Variants in SOX6 observed in about 807,000 individuals in gnomAD.
The protein encoded by SOX6 is transcription factor SOX-6.
SOX6 carries 11 observed loss-of-function variants against 97.8 expected under a neutral mutation model. The observed-to-expected ratio is 0.11, with a 90% CI of 0.07 to 0.19. SOX6 has a LOEUF of 0.19. Among genes scored for constraint, SOX6 ranks in the 10% least tolerant of loss-of-function variants. The pLI, the probability that SOX6 is intolerant of heterozygous loss-of-function variation, is 1.00. For synonymous variants in SOX6, 360 were observed against 371.4 expected, an observed-to-expected ratio of 0.97 and a Z score of 0.35; for missense variants, 810 against 1,039.5, an observed-to-expected ratio of 0.78 and a Z score of 3.04.
At chr11:15,976,718 T>C (rs1218674822) in intron 15 of SOX6, among the ~76,000 whole-genome samples, 1 of 152,168 alleles carries the variant, frequency 6.6e-6, no homozygotes, top group Non-Finnish European at 1.5e-5. Flanking sequence ...TGTTGACATC[T>C]TCTAAGAAAT....
chr11:16,349,010 A>C (rs926781770), intron 1 of SOX6, among the ~76,000 whole-genome samples: 1 of 152,142 alleles, frequency 6.6e-6, no homozygotes. Flanking sequence ...ATATTGGCTC[A>C]CTACCAAAGT....
intron 3 of SOX6, among the ~76,000 whole-genome samples, chr11:16,295,806 TAGTGTGTCAGCATTTCCTACTCACTA>T (rs901825307): frequency 1.3e-5 from 2 of 152,132 alleles, no homozygotes; most frequent in Non-Finnish European, 2.9e-5. Context: ...GTTGCATTTC[TAGTGTGTCAGCATTTCCTACTCACTA>T]AGAGTAAATT....
intron 3 of SOX6, among the ~76,000 whole-genome samples, chr11:16,287,319 C>CAT (rs1854784001): frequency 6.6e-6 from 1 of 151,164 alleles, no homozygotes; most frequent in Non-Finnish European, 1.5e-5. Context: ...CACACACACA[C>CAT]ACACACACAC....
intron 13 of SOX6, among the ~76,000 whole-genome samples, chr11:15,994,236 A>T (rs1332270592): frequency 6.6e-6 from 1 of 152,134 alleles, no homozygotes; most frequent in Non-Finnish European, 1.5e-5. Context: ...GTGGACAGAG[A>T]TGAATATTAG....
intron 9 of SOX6, among the ~76,000 whole-genome samples, chr11:16,066,977 T>C (rs772087912): frequency 6.6e-6 from 1 of 152,186 alleles, no homozygotes; most frequent in Admixed American, 6.5e-5. Flanking sequence ...CAGACTTGCA[T>C]AGGGCCTGTA....
At chr11:16,504,820 T>C (rs917748700) in intron 4 of SOX6, among the ~76,000 whole-genome samples, 5 of 152,120 alleles carry the variant, frequency 3.3e-5, no homozygotes. Flanking sequence ...TAAAAGTGTG[T>C]AGCACCTCCA....
At chr11:16,058,754 C>T (rs1217170865) in intron 9 of SOX6, among the ~76,000 whole-genome samples, 1 of 152,044 alleles carries the variant, frequency 6.6e-6, no homozygotes, top group East Asian at 1.9e-4. Flanking sequence ...CATGGCACAT[C>T]ACTCATTCTC....
chr11:16,095,276 A>C (rs912761801), intron 9 of SOX6, among the ~76,000 whole-genome samples: 3 of 151,878 alleles, frequency 2.0e-5, no homozygotes, highest in Non-Finnish European at 4.4e-5. Flanking sequence ...GGAATTAAGC[A>C]TGAAATTGGA....
intron 1 of SOX6, among the ~76,000 whole-genome samples, chr11:16,349,707 AGGAAGGAAGAAG>A (rs1292774101): frequency 0.02 from 720 of 36,398 alleles, 11 homozygotes; most frequent in African/African-American, 0.046. Context: ...GAAGGAAGGA[AGGAAGGAAGAAG>A]GAAGGAAGGA....
At chr11:16,684,654 A>C (rs555356135) in intron 3 of SOX6, among the ~76,000 whole-genome samples, 2 of 152,194 alleles carry the variant, frequency 1.3e-5, no homozygotes, top group South Asian at 4.1e-4. Context: ...TGGGTGCAGC[A>C]AACCAACATG....
In SOX6 at chr11:16,255,642, G is replaced by A. The variant is rs192665811; in HGVS notation, c.446-20971C>T. On this transcript the variant is annotated intron_variant, in intron 3 of 15. Transcript: ENST00000683767. The stretch of plus-strand genomic sequence containing the variant: ...AAGCATACAGCATCAATCTAAAAGC[G>A]ATAAGCTGAGCCTCCACTTTAGAAA... 2.6e-3 allele frequency among the ~76,000 whole-genome samples: 400 copies of A among 152,076 alleles called. 2 individuals carry two copies. Among genetic ancestry groups the A allele is most frequent in the Middle Eastern group, 0.02 (6 of 294 alleles).
chr11:16,497,518 C>T lies in SOX6; in HGVS notation n.610-21130G>A, dbSNP rs1051513251. Reference sequence around the variant, plus strand: ...AAGGCTTCAGACAATCAAACTACTCCGAGATAAAGGAGGAAGTTCAAACCC... The same window carrying T: ...AAGGCTTCAGACAATCAAACTACTCTGAGATAAAGGAGGAAGTTCAAACCC... On this transcript the variant is annotated intron_variant and non_coding_transcript_variant, in intron 4 of 5. Transcript: ENST00000524520. Among the ~76,000 whole-genome samples the T allele has an allele frequency of 3.7e-4, 56 of 151,942 alleles. 1 individual carries two copies. Among genetic ancestry groups the T allele is most frequent in the African/African-American group, 5.8e-4 (24 of 41,444 alleles).
intron 1 of SOX6, chr11:16,476,312 T>C (rs1860246764): frequency 1.3e-5 from 2 of 152,500 alleles, no homozygotes; most frequent in Admixed American, 6.5e-5. Flanking sequence ...AACCAATACT[T>C]ACAAATATGC....
Position 16,438,288 on chromosome 11 carries a change from TATA to T in SOX6, c.-5+38024_-5+38026del, listed in dbSNP as rs1224221983. The stretch of plus-strand genomic sequence containing the variant: ...CATTTCCTATACATCAACTTGAAAT[TATA>T]ATAAGAGATTTTTAAAAATTAAAAT... On this transcript the variant is annotated intron_variant, in intron 1 of 15. Transcript: ENST00000396356. 2.8e-4 allele frequency among the ~76,000 whole-genome samples: 43 copies of T among 152,244 alleles called. 1 individual carries two copies. The highest frequency in any genetic ancestry group is 2.6e-3 in the Admixed American group (39 of 15,284).
intron 3 of SOX6, among the ~76,000 whole-genome samples, chr11:16,713,596 T>C (rs1375848311): frequency 1.3e-5 from 2 of 152,144 alleles, no homozygotes; most frequent in African/African-American, 4.8e-5. Flanking sequence ...AGTATAAAAT[T>C]TGCACAATTT....
At chr11:16,215,760 C>G (rs1852355641) in intron 4 of SOX6, among the ~76,000 whole-genome samples, 1 of 152,080 alleles carries the variant, frequency 6.6e-6, no homozygotes, top group Non-Finnish European at 1.5e-5. Flanking sequence ...TAGGCTTTTT[C>G]TGTAATTCTA....
intron 3 of SOX6, among the ~76,000 whole-genome samples, chr11:16,712,679 C>G (rs1848190673): frequency 1.3e-5 from 2 of 152,210 alleles, no homozygotes; most frequent in African/African-American, 4.8e-5. Flanking sequence ...AGCTCCACCT[C>G]ACCCTGAATC....
chr11:16,480,921 A>G (rs1303233512), upstream of SOX6, among the ~76,000 whole-genome samples: 1 of 152,182 alleles, frequency 6.6e-6, no homozygotes, highest in African/African-American at 2.4e-5. Context: ...GAGCCACTGA[A>G]TTAAAACAAC....
chr11:16,684,630 A>AGG (rs2134032067), intron 3 of SOX6, among the ~76,000 whole-genome samples: 1 of 152,292 alleles, frequency 6.6e-6, no homozygotes, highest in East Asian at 1.9e-4. Context: ...TTCCTAATGT[A>AGG]AATGACAAGT....
Sources: gnomAD v4.1 joint callset for allele counts (sites outside exome capture counted in the v4.1 genomes callset) on GRCh38, gnomAD v4.1.1 for gene constraint, MANE v1.5 for transcripts, NCBI Gene and HGNC (gene_info 2026-07-23, HGNC 2026-07-21) for gene names.